The following ALK variants were observed in gnomAD, a reference collection of about 807,000 sequenced individuals.
ALK encodes the protein ALK tyrosine kinase receptor.
Under a neutral mutation model 163.1 loss-of-function variants are expected in ALK, and 74 were observed. The ratio of observed to expected loss-of-function variants is 0.45; its 90% CI spans 0.38 to 0.55. ALK has a LOEUF of 0.55. Ranked by LOEUF, ALK falls within the 20% of genes least tolerant of loss-of-function variation. ALK has a pLI of 0.00. For synonymous variants in ALK, 960 were observed against 843.2 expected (o/e 1.14, Z -2.40); for missense variants, 2,063 against 2,105.3 (o/e 0.98, Z 0.39).
intron 3 of ALK, among the ~76,000 whole-genome samples, chr2:29,576,357 G>A (rs530119738): frequency 4.6e-5 from 7 of 152,274 alleles, no homozygotes; most frequent in South Asian, 2.1e-4. Context: ...CTGCCGGCCC[G>A]TCTGGGTGTT....
At chr2:29,492,146 A>G (rs934553776) in intron 4 of ALK, among the ~76,000 whole-genome samples, 1 of 152,204 alleles carries the variant, frequency 6.6e-6, no homozygotes, top group Non-Finnish European at 1.5e-5. Context: ...TACCAATTAC[A>G]GTATTGTAGG....
chr2:29,365,320 G>C (rs2148289246), intron 5 of ALK, among the ~76,000 whole-genome samples: 1 of 152,302 alleles, frequency 6.6e-6, no homozygotes, highest in Admixed American at 6.5e-5. Context: ...ATGCCTCAGG[G>C]AGATGAAATG....
At chr2:29,547,831 T>C (rs1673596765) in intron 3 of ALK, among the ~76,000 whole-genome samples, 1 of 152,202 alleles carries the variant, frequency 6.6e-6, no homozygotes, top group South Asian at 2.1e-4. Flanking sequence ...TGAGCAGAAT[T>C]ATGCTCGTAT....
chr2:29,891,517 T>C (rs995782800), intron 1 of ALK, among the ~76,000 whole-genome samples: 1 of 152,206 alleles, frequency 6.6e-6, no homozygotes, highest in African/African-American at 2.4e-5. Flanking sequence ...ATCATGGTCA[T>C]AGACCATAGG....
chr2:29,900,254 G>A (rs1399074864), intron 1 of ALK, among the ~76,000 whole-genome samples: 1 of 152,238 alleles, frequency 6.6e-6, no homozygotes, highest in Non-Finnish European at 1.5e-5. Flanking sequence ...TAGAGAATCT[G>A]CATGGGGTAC....
intron 1 of ALK, among the ~76,000 whole-genome samples, chr2:29,815,960 AAC>A (rs1243073180): frequency 6.6e-6 from 1 of 152,232 alleles, no homozygotes; most frequent in East Asian, 1.9e-4. Flanking sequence ...AAGAATGAGA[AAC>A]ACAAGACCGG....
chr2:29,476,616 G>A (rs929286417), intron 4 of ALK, among the ~76,000 whole-genome samples: 2 of 152,042 alleles, frequency 1.3e-5, no homozygotes, highest in Admixed American at 6.5e-5. Flanking sequence ...CCTGAGACCC[G>A]GGGGAGTTTC....
chr2:29,771,725 G>C, intron 1 of ALK, among the ~76,000 whole-genome samples: 1 of 152,016 alleles, frequency 6.6e-6, no homozygotes, highest in East Asian at 1.9e-4. Context: ...TAGTAGAGAC[G>C]GGGTTTCACC....
In ALK at chr2:29,233,659, T is replaced by G. The variant is rs2148184587; in HGVS notation, c.2393A>C (p.Asn798Thr). Residue 798 changes from asparagine to threonine, a missense_variant, in exon 14 of 29, where the codon AAC becomes ACC. Asn to Thr is a moderately conservative substitution (Grantham distance 65). Coordinates refer to ENST00000389048, the MANE Select transcript of ALK (RefSeq NM_004304.5). ...QLIQKVCIGE[N>T]NVIEEEIRVN... ...ACGGATTTCTTCTTCTATCACATTG[T>G]TCTCTCCAATGCAGACTTTCTGGAT... 1 of 1,614,258 alleles carries G rather than the reference T, an allele frequency of 6.2e-7. No individual in the cohort carries two copies. Among genetic ancestry groups the G allele is most frequent in the Non-Finnish European group, 8.5e-7 (1 of 1,180,042 alleles).
chr2:29,219,743 T>G (rs913706817), intron 23 of ALK, among the ~76,000 whole-genome samples: 8 of 152,192 alleles, frequency 5.3e-5, no homozygotes, highest in African/African-American at 1.9e-4. Flanking sequence ...ATCTCACCTG[T>G]GAGGATACCC....
At chr2:29,463,212 C>T (rs1671128192) in intron 4 of ALK, among the ~76,000 whole-genome samples, 2 of 152,130 alleles carry the variant, frequency 1.3e-5, no homozygotes, top group Admixed American at 6.5e-5. Flanking sequence ...GCCCACTTCT[C>T]TTAACATGTG....
In ALK at chr2:29,847,968, C is replaced by A. The variant is rs570399962; in HGVS notation, c.667+72025G>T. On this transcript the variant is annotated intron_variant, in intron 1 of 28. Coordinates refer to ENST00000389048, the MANE Select transcript of ALK (RefSeq NM_004304.5). Reference sequence around the variant, plus strand: ...ATACGCTCATTGTCTAGTGGCGAGACAAACTTCTGGCTCCAAAAAATAGGC... The same window carrying A: ...ATACGCTCATTGTCTAGTGGCGAGAAAAACTTCTGGCTCCAAAAAATAGGC... Among the ~76,000 whole-genome samples, 53 of 152,212 alleles carry A rather than the reference C, an allele frequency of 3.5e-4. 1 individual carries two copies. Among genetic ancestry groups the A allele is most frequent in the African/African-American group, 1.1e-3 (47 of 41,534 alleles).
chr2:29,310,955 T>C (rs1235692153), intron 8 of ALK, among the ~76,000 whole-genome samples: 6 of 152,224 alleles, frequency 3.9e-5, no homozygotes, highest in Non-Finnish European at 1.5e-5. Context: ...CCAAATCTCT[T>C]ACTCATGTAG....
chr2:29,919,875 G>A (rs1163461877), intron 1 of ALK, 118 bp downstream of exon 1: 6 of 1,262,100 alleles, frequency 4.8e-6, no homozygotes, highest in African/African-American at 1.5e-5. Flanking sequence ...AGGAAGGAGG[G>A]CGATGAAGCA....
At chr2:29,202,433 G>C (rs1000409974) in intron 26 of ALK, among the ~76,000 whole-genome samples, 4 of 152,210 alleles carry the variant, frequency 2.6e-5, no homozygotes, top group Admixed American at 1.3e-4. Flanking sequence ...TATGTATCTA[G>C]ATGTTAATCT....
chr2:29,771,826 G>C (rs566185163), intron 1 of ALK, among the ~76,000 whole-genome samples: 1 of 151,680 alleles, frequency 6.6e-6, no homozygotes, highest in South Asian at 2.1e-4. Flanking sequence ...GAGCCACTGC[G>C]CCCAGCCTGC....
chr2:29,738,086 C>T (rs1268463820), intron 1 of ALK, among the ~76,000 whole-genome samples: 1 of 151,940 alleles, frequency 6.6e-6, no homozygotes, highest in East Asian at 1.9e-4. Flanking sequence ...ATGGCTTTGG[C>T]AGTAGCTTTT....
chr2:29,577,771 T>C lies in ALK; in HGVS notation c.953-45655A>G, dbSNP rs1674565462. ...AAGCACATGCTTGGTGAATCTCTGC[T>C]CTCGTTCTCACATGAGCTGACAGTT... On this transcript the variant is annotated intron_variant, in intron 3 of 28. Transcript: ENST00000389048. Among the ~76,000 whole-genome samples the C allele has an allele frequency of 7.9e-5, 12 of 152,214 alleles. No individual in the cohort carries two copies. The South Asian group carries it at 2.5e-3, about 31-fold the overall frequency.
chr2:29,381,928 A>C (rs1345497243), intron 5 of ALK, among the ~76,000 whole-genome samples: 1 of 152,202 alleles, frequency 6.6e-6, no homozygotes, highest in South Asian at 2.1e-4. Context: ...CTAAGCAAAC[A>C]CTGAGATCAC....
Sources: gnomAD v4.1 joint callset for allele counts (sites outside exome capture counted in the v4.1 genomes callset) on GRCh38, gnomAD v4.1.1 for gene constraint, MANE v1.5 for transcripts, NCBI Gene and HGNC (gene_info 2026-07-23, HGNC 2026-07-21) for gene names.